The following NKAIN3 variants were observed in gnomAD, a reference collection of about 807,000 sequenced individuals.
NKAIN3 encodes sodium/potassium-transporting ATPase subunit beta-1-interacting protein 3.
In NKAIN3, 25 loss-of-function variants were observed where a neutral mutation model predicts 30.2. The observed-to-expected ratio is 0.83, with a 90% CI of 0.60 to 1.16. The LOEUF (loss-of-function observed/expected upper bound fraction) is 1.16. Among genes scored for constraint, NKAIN3 ranks in the 50% most tolerant of loss-of-function variants. NKAIN3 has a pLI of 0.00. For synonymous variants in NKAIN3, 91 were observed against 89.6 expected (o/e 1.02, Z -0.09); for missense variants, 225 against 254.1 (o/e 0.89, Z 0.78).
intron 1 of NKAIN3, among the ~76,000 whole-genome samples, chr8:62,550,413 G>C (rs185873192): frequency 8.5e-5 from 13 of 152,342 alleles, no homozygotes; most frequent in African/African-American, 2.9e-4. Flanking sequence ...GCGCGTGTGC[G>C]CGTGTGTGTG....
At chr8:62,943,615 T>C (rs1002945628) in intron 5 of NKAIN3, among the ~76,000 whole-genome samples, 1 of 150,376 alleles carries the variant, frequency 6.6e-6, no homozygotes, top group Non-Finnish European at 1.5e-5. Context: ...AACTCACAAT[T>C]GCAAAAATAT....
chr8:62,839,287 G>A (rs925707916), intron 4 of NKAIN3, among the ~76,000 whole-genome samples: 1 of 145,806 alleles, frequency 6.9e-6, no homozygotes, highest in Admixed American at 6.9e-5. Context: ...AAAGATTTTA[G>A]AGGATTTGCC....
rs1056878652 is a variant in NKAIN3, at chr8:62,969,881, T to C, written c.*4474T>C. Among the ~76,000 whole-genome samples the C allele has an allele frequency of 2.8e-4, 43 of 151,992 alleles. No individual in the cohort carries two copies. The highest frequency in any genetic ancestry group is 2.6e-3 in the Admixed American group (40 of 15,238). ...CAGAGGAAAGTACTCTTCATATAAC[T>C]GCACAGTGAACAATTTAGAAAGGGA... On this transcript the variant is annotated 3_prime_UTR_variant, in exon 7 of 7. Coordinates refer to ENST00000623646, the MANE Select transcript of NKAIN3 (RefSeq NM_001304533.3).
intron 3 of NKAIN3, among the ~76,000 whole-genome samples, chr8:62,690,545 C>T (rs1311870508): frequency 6.6e-6 from 1 of 152,214 alleles, no homozygotes; most frequent in Non-Finnish European, 1.5e-5. Context: ...GAGTATTCAG[C>T]ATTAGCGCCT....
chr8:62,714,746 A>G (rs932681003), intron 3 of NKAIN3, among the ~76,000 whole-genome samples: 2 of 152,184 alleles, frequency 1.3e-5, no homozygotes, highest in African/African-American at 4.8e-5. Flanking sequence ...TTTTTTTACA[A>G]ATGATCCAAA....
intron 3 of NKAIN3, among the ~76,000 whole-genome samples, chr8:62,659,523 T>G (rs1450717423): frequency 6.6e-6 from 1 of 152,252 alleles, no homozygotes; most frequent in Admixed American, 6.5e-5. Context: ...CCTCTGCTTT[T>G]GCTATCATTG....
rs115604484 is a variant in NKAIN3, at chr8:62,593,854, A to C, written c.273+4060A>C. On this transcript the variant is annotated intron_variant, in intron 3 of 6. Coordinates refer to ENST00000623646, the MANE Select transcript of NKAIN3 (RefSeq NM_001304533.3). ...AACTTAGAACAAAAGGCAATAGTTA[A>C]AGTTTAGTCTTCACTTCCCCCAAAT... Among the ~76,000 whole-genome samples, 748 of 152,112 alleles carry C rather than the reference A, an allele frequency of 4.9e-3. 5 individuals are homozygous for C. Among genetic ancestry groups the C allele is most frequent in the African/African-American group, 0.017 (708 of 41,528 alleles).
chr8:62,315,906 A>C (rs2129588996), intron 1 of NKAIN3, among the ~76,000 whole-genome samples: 1 of 152,262 alleles, frequency 6.6e-6, no homozygotes, highest in South Asian at 2.1e-4. Context: ...CCCCACCCAA[A>C]TCTCATCTTT....
At chr8:62,682,007 C>A (rs1586083701) in intron 3 of NKAIN3, among the ~76,000 whole-genome samples, 1 of 152,022 alleles carries the variant, frequency 6.6e-6, no homozygotes, top group South Asian at 2.1e-4. Context: ...AGCTCCTACT[C>A]GGAGGGACAG....
intron 3 of NKAIN3, among the ~76,000 whole-genome samples, chr8:62,721,723 G>T (rs945800503): frequency 5.3e-5 from 8 of 152,134 alleles, no homozygotes; most frequent in African/African-American, 1.7e-4. Context: ...AATTTATAAT[G>T]ATCTCTATGT....
chr8:62,885,068 G>A (rs1821104968), intron 4 of NKAIN3, among the ~76,000 whole-genome samples: 1 of 151,910 alleles, frequency 6.6e-6, no homozygotes, highest in Non-Finnish European at 1.5e-5. Context: ...TCCTAAAGTA[G>A]GAGCTTAGAT....
intron 2 of NKAIN3, among the ~76,000 whole-genome samples, chr8:62,582,857 G>A (rs1810349377): frequency 6.6e-6 from 1 of 152,082 alleles, no homozygotes. Context: ...CAAGGCCTAG[G>A]GGAAGGCCTG....
At chr8:62,267,094 A>G (rs897685220) in intron 1 of NKAIN3, among the ~76,000 whole-genome samples, 37 of 152,224 alleles carry the variant, frequency 2.4e-4, no homozygotes, top group Non-Finnish European at 8.8e-5. Context: ...CATCACATCC[A>G]TCATTGCTGT....
intron 1 of NKAIN3, among the ~76,000 whole-genome samples, chr8:62,256,210 T>C (rs892559297): frequency 1.3e-4 from 19 of 151,922 alleles, no homozygotes; most frequent in African/African-American, 4.6e-4. Context: ...GCCAGGAGTT[T>C]GGGACCTGCC....
Position 62,545,308 on chromosome 8 carries a change from G to A in NKAIN3, c.55-34231G>A, listed in dbSNP as rs1037413006. ...TTTTAAATGAGCACCTCTTCCACTGGGCATGGTGGCTCATGCCTGTAATCC... is the reference window on the plus strand; with the variant it reads ...TTTTAAATGAGCACCTCTTCCACTGAGCATGGTGGCTCATGCCTGTAATCC... On this transcript the variant is annotated intron_variant, in intron 1 of 6. Coordinates refer to ENST00000623646, the MANE Select transcript of NKAIN3 (RefSeq NM_001304533.3). Among the ~76,000 whole-genome samples the A allele has an allele frequency of 2.0e-5, 3 of 152,194 alleles. No homozygotes were observed. In the East Asian group the frequency reaches 5.8e-4, roughly 29 times the overall value.
chr8:62,660,398 A>C (rs1812907606), intron 3 of NKAIN3, among the ~76,000 whole-genome samples: 1 of 152,206 alleles, frequency 6.6e-6, no homozygotes, highest in African/African-American at 2.4e-5. Flanking sequence ...ATATGGATAG[A>C]GATGAGGTAT....
intron 1 of NKAIN3, among the ~76,000 whole-genome samples, chr8:62,467,124 A>C (rs1806187645): frequency 6.6e-6 from 1 of 152,132 alleles, no homozygotes; most frequent in Admixed American, 6.5e-5. Context: ...TCTCAGAGGT[A>C]CTTGACTAAT....
At chr8:62,744,344 T>C (rs900345869) in intron 3 of NKAIN3, among the ~76,000 whole-genome samples, 5 of 152,366 alleles carry the variant, frequency 3.3e-5, no homozygotes, top group African/African-American at 9.6e-5. Flanking sequence ...TTTATAAATA[T>C]GTTATAGTTC....
chr8:62,290,461 G>A (rs1176006199), intron 1 of NKAIN3, among the ~76,000 whole-genome samples: 1 of 152,136 alleles, frequency 6.6e-6, no homozygotes, highest in African/African-American at 2.4e-5. Flanking sequence ...AAGGGCTATT[G>A]AATTTTGTCA....
Sources: gnomAD v4.1 joint callset for allele counts (sites outside exome capture counted in the v4.1 genomes callset) on GRCh38, gnomAD v4.1.1 for gene constraint, MANE v1.5 for transcripts, NCBI Gene and HGNC (gene_info 2026-07-23, HGNC 2026-07-21) for gene names.